DLG2: variants seen among roughly 807,000 people sequenced by gnomAD.
The protein encoded by DLG2 is discs large MAGUK scaffold protein 2, also known as disks large homolog 2.
In DLG2, 45 loss-of-function variants were observed where a neutral mutation model predicts 132.5. That is an observed-to-expected ratio of 0.34 (90% confidence interval 0.27 to 0.44). The LOEUF (loss-of-function observed/expected upper bound fraction) is 0.44. Ranked by LOEUF, DLG2 falls within the 20% of genes least tolerant of loss-of-function variation. The pLI is 1.00. For missense variants in DLG2, 1,045 were observed against 1,196.9 expected (o/e 0.87, Z 1.87); for synonymous variants, 424 against 419.6 (o/e 1.01, Z -0.13).
chr11:84,569,245 T>C (rs1255901803), intron 6 of DLG2, among the ~76,000 whole-genome samples: 2 of 152,146 alleles, frequency 1.3e-5, no homozygotes, highest in East Asian at 3.9e-4. Context: ...ATAGTGAAGA[T>C]CTAGCCCTGC....
rs952496378 is a variant in DLG2, at chr11:84,280,206, G to A, written c.520-28915C>T. ...CAAGATTAATATCCAAAGATCAATT[G>A]TGTCTCTATATACTAGCAATAAATT... is the stretch of plus-strand genomic sequence containing the variant. On this transcript the variant is annotated intron_variant, in intron 7 of 27. Transcript: ENST00000376104. Among the ~76,000 whole-genome samples, 6 of 152,114 alleles carry A rather than the reference G, an allele frequency of 3.9e-5. 1 individual carries two copies. The highest frequency in any genetic ancestry group is 2.6e-4 in the Admixed American group (4 of 15,274).
At chr11:84,208,611 T>C (rs1021256178) in intron 8 of DLG2, among the ~76,000 whole-genome samples, 12 of 152,152 alleles carry the variant, frequency 7.9e-5, no homozygotes, top group Non-Finnish European at 1.2e-4. Context: ...CCCAAAGTGC[T>C]GGGATTACAG....
At chr11:83,600,821 A>C (rs1489589423) in intron 19 of DLG2, among the ~76,000 whole-genome samples, 2 of 152,238 alleles carry the variant, frequency 1.3e-5, no homozygotes, top group Non-Finnish European at 2.9e-5. Context: ...AGAGGCTGCA[A>C]ACAGACTTTG....
At chr11:84,820,522 A>G (rs2077552841) in intron 6 of DLG2, among the ~76,000 whole-genome samples, 2 of 151,800 alleles carry the variant, frequency 1.3e-5, no homozygotes, top group Admixed American at 6.6e-5. Context: ...GCTTTACACA[A>G]TCTTTTCCTC....
rs138786014 is a variant in DLG2 at position 83,790,442 on chromosome 11, A to G, written c.1723-3650T>C. On this transcript the variant is annotated intron_variant, in intron 17 of 27. Coordinates refer to ENST00000376104, the MANE Select transcript of DLG2 (RefSeq NM_001142699.3). ...TCCCCAGTACCATCCTTGTTTTGCAAGATCTTTTTAGCTCCTCTGTAAGGC... is the reference window on the plus strand; with the variant it reads ...TCCCCAGTACCATCCTTGTTTTGCAGGATCTTTTTAGCTCCTCTGTAAGGC... 843 of 1,126,232 alleles carry G rather than the reference A, an allele frequency of 7.5e-4. 7 individuals are homozygous for G. In the African/African-American group the frequency reaches 9.7e-3, roughly 13 times the overall value. 69.8% of individuals were successfully genotyped at this position (1,126,232 alleles called of 1,614,324 possible). A position where few individuals can be genotyped will look rare whatever the true frequency, so the allele number is the denominator to read the frequency against.
chr11:84,994,158 A>T (rs1344211137), intron 6 of DLG2, among the ~76,000 whole-genome samples: 2 of 152,182 alleles, frequency 1.3e-5, no homozygotes, highest in Admixed American at 1.3e-4. Context: ...TTGGTTTGGG[A>T]CCAAACAATA....
intron 7 of DLG2, among the ~76,000 whole-genome samples, chr11:84,504,678 T>G (rs143395775): frequency 2.0e-5 from 3 of 152,168 alleles, no homozygotes; most frequent in Admixed American, 6.5e-5. Flanking sequence ...AAAAGCCATT[T>G]TTAACATTGA....
chr11:83,897,038 G>T (rs1467824277), intron 15 of DLG2, among the ~76,000 whole-genome samples: 1 of 152,058 alleles, frequency 6.6e-6, no homozygotes, highest in Non-Finnish European at 1.5e-5. Context: ...ATAGATGCTG[G>T]TCACCTGATA....
chr11:84,298,833 G>A (rs1288976593), intron 7 of DLG2, among the ~76,000 whole-genome samples: 3 of 152,186 alleles, frequency 2.0e-5, no homozygotes, highest in Non-Finnish European at 4.4e-5. Flanking sequence ...TGGCTTCAGG[G>A]AATCAGAGAA....
chr11:85,529,989 T>TG (rs2075076137), intron 3 of DLG2, among the ~76,000 whole-genome samples: 1 of 147,194 alleles, frequency 6.8e-6, no homozygotes, highest in Admixed American at 6.8e-5. Context: ...GAGGGTTTGT[T>TG]TTTTTTTTTT....
rs769615246 is a variant in DLG2, at chr11:83,704,654, T to TAAA, written c.1826-71332_1826-71330dup. ...CAACGTGGTGAAACCCCGTCTCTAC[T>TAAA]AAAAAAAAAAAAAAAAAAAAATATT... On this transcript the variant is annotated intron_variant, in intron 18 of 27. Coordinates refer to ENST00000376104, the MANE Select transcript of DLG2 (RefSeq NM_001142699.3). Among the ~76,000 whole-genome samples the TAAA allele has an allele frequency of 1.0e-3, 109 of 105,952 alleles. 1 individual carries two copies. Among genetic ancestry groups the TAAA allele is most frequent in the South Asian group, 8.6e-3 (26 of 3,032 alleles). 69.5% of individuals were successfully genotyped at this position (105,952 alleles called of 152,430 possible).
intron 4 of DLG2, among the ~76,000 whole-genome samples, chr11:85,265,625 T>C (rs1303386766): frequency 1.3e-5 from 2 of 152,220 alleles, no homozygotes; most frequent in East Asian, 1.9e-4. Flanking sequence ...AGAACTTCTA[T>C]TCCTGTTTGC....
chr11:84,126,176 A>C (rs1595762118), intron 9 of DLG2, among the ~76,000 whole-genome samples: 1 of 152,312 alleles, frequency 6.6e-6, no homozygotes, highest in South Asian at 2.1e-4. Flanking sequence ...ACGATGATGA[A>C]GAAATGGAGG....
chr11:85,355,463 G>GA (rs1159745661), intron 3 of DLG2, among the ~76,000 whole-genome samples: 1 of 151,878 alleles, frequency 6.6e-6, no homozygotes, highest in Non-Finnish European at 1.5e-5. Context: ...TACTTATCAA[G>GA]ATTCTTCCTA....
intron 4 of DLG2, among the ~76,000 whole-genome samples, chr11:85,188,868 C>T (rs907104156): frequency 5.3e-5 from 8 of 152,064 alleles, no homozygotes; most frequent in African/African-American, 1.9e-4. Flanking sequence ...AGGACAACAT[C>T]AAACACACCA....
intron 6 of DLG2, among the ~76,000 whole-genome samples, chr11:85,017,930 A>T (rs891991125): frequency 6.6e-6 from 1 of 152,178 alleles, no homozygotes; most frequent in Non-Finnish European, 1.5e-5. Context: ...AAAGTGAAGA[A>T]AAAACCACAT....
intron 3 of DLG2, among the ~76,000 whole-genome samples, chr11:85,354,698 C>T (rs1424092939): frequency 6.6e-6 from 1 of 151,946 alleles, no homozygotes; most frequent in Non-Finnish European, 1.5e-5. Flanking sequence ...ACCAGGAGCA[C>T]CACATTTGAC....
chr11:83,640,004 C>T (rs2066010126), intron 18 of DLG2, among the ~76,000 whole-genome samples: 1 of 152,112 alleles, frequency 6.6e-6, no homozygotes, highest in Non-Finnish European at 1.5e-5. Context: ...TTTGGTGACT[C>T]CTGTCAGGAC....
intron 6 of DLG2, among the ~76,000 whole-genome samples, chr11:84,762,528 A>C (rs943904326): frequency 6.6e-6 from 1 of 152,222 alleles, no homozygotes; most frequent in Admixed American, 6.5e-5. Flanking sequence ...AAAACTATTC[A>C]TATCAGTTAA....
Sources: gnomAD v4.1 joint callset for allele counts (sites outside exome capture counted in the v4.1 genomes callset) on GRCh38, gnomAD v4.1.1 for gene constraint, MANE v1.5 for transcripts, NCBI Gene and HGNC (gene_info 2026-07-23, HGNC 2026-07-21) for gene names.